Variants in RAB38 observed in about 807,000 individuals in gnomAD.
RAB38 encodes the protein ras-related protein Rab-38.
In RAB38, 15 loss-of-function variants were observed where a neutral mutation model predicts 18.4. The ratio of observed to expected loss-of-function variants is 0.82; its 90% CI spans 0.55 to 1.26. The LOEUF (loss-of-function observed/expected upper bound fraction) is 1.26, where lower values mean the gene tolerates loss of function less well. Among genes scored for constraint, RAB38 ranks in the 50% most tolerant of loss-of-function variants. The pLI is 0.00. For synonymous variants in RAB38, 101 were observed against 104.4 expected (o/e 0.97, Z 0.20); for missense variants, 294 against 267.4 (o/e 1.10, Z -0.69).
the RAB38 span, among the ~76,000 whole-genome samples, chr11:88,094,060 G>C: frequency 6.6e-6 from 1 of 151,826 alleles, no homozygotes; most frequent in African/African-American, 2.4e-5. Context: ...TCCCTGGGCA[G>C]AATCTTCATT....
intron 1 of RAB38, among the ~76,000 whole-genome samples, chr11:88,161,450 C>T (rs1285704543): frequency 6.6e-6 from 1 of 152,134 alleles, no homozygotes; most frequent in East Asian, 1.9e-4. Context: ...TTTAAAATTT[C>T]TACACCACTG....
the RAB38 span, among the ~76,000 whole-genome samples, chr11:87,943,168 T>C: frequency 2.6e-5 from 4 of 152,180 alleles, no homozygotes; most frequent in Non-Finnish European, 4.4e-5. Context: ...GCATTTTTCC[T>C]ATTTTGGAGA....
At chr11:87,857,990 G>A in the RAB38 span, among the ~76,000 whole-genome samples, 1 of 152,090 alleles carries the variant, frequency 6.6e-6, no homozygotes, top group Non-Finnish European at 1.5e-5. Flanking sequence ...GGTTTTTATG[G>A]TTTTAGGTTT....
chr11:87,966,675 T>C, the RAB38 span, among the ~76,000 whole-genome samples: 1 of 152,176 alleles, frequency 6.6e-6, no homozygotes, highest in Non-Finnish European at 1.5e-5. Context: ...ATGACTGGCA[T>C]TGTCTCTAGC....
the RAB38 span, among the ~76,000 whole-genome samples, chr11:87,851,113 G>C: frequency 6.6e-6 from 1 of 152,158 alleles, no homozygotes; most frequent in African/African-American, 2.4e-5. Context: ...AGTATAGACA[G>C]TCTTTTACAG....
At chr11:88,134,372 CG>C (rs1374881514) in intron 2 of RAB38, among the ~76,000 whole-genome samples, 1 of 152,008 alleles carries the variant, frequency 6.6e-6, no homozygotes, top group African/African-American at 2.4e-5. Context: ...TCCTGAGTAG[CG>C]GGGACTACCG....
chr11:88,028,813 T>C, the RAB38 span, among the ~76,000 whole-genome samples: 3 of 150,920 alleles, frequency 2.0e-5, no homozygotes, highest in South Asian at 2.1e-4. Flanking sequence ...CTGCAGGATA[T>C]TATCCAGGAG....
At chr11:88,171,441 A>G (rs913354675) in intron 1 of RAB38, among the ~76,000 whole-genome samples, 17 of 152,230 alleles carry the variant, frequency 1.1e-4, no homozygotes, top group Non-Finnish European at 2.2e-4. Flanking sequence ...AGATGAGGCA[A>G]TTGAGGTTCA....
At chr11:87,875,443 G>A in the RAB38 span, among the ~76,000 whole-genome samples, 1 of 151,372 alleles carries the variant, frequency 6.6e-6, no homozygotes, top group African/African-American at 2.4e-5. Context: ...TAAAGAGACT[G>A]TAGATGTTGA....
chr11:87,955,370 C>T, the RAB38 span, among the ~76,000 whole-genome samples: 7 of 152,198 alleles, frequency 4.6e-5, no homozygotes, highest in South Asian at 2.1e-4. Context: ...CTGCTGGAAG[C>T]GGGAGGGGTA....
the RAB38 span, among the ~76,000 whole-genome samples, chr11:87,938,649 TTGTTG>T: frequency 1.4e-5 from 2 of 145,032 alleles, no homozygotes; most frequent in African/African-American, 5.3e-5. Flanking sequence ...GTTGTTGTTG[TTGTTG>T]TTGTTTTTTG....
chr11:88,096,036 T>C, the RAB38 span, among the ~76,000 whole-genome samples: 1 of 151,874 alleles, frequency 6.6e-6, no homozygotes, highest in Non-Finnish European at 1.5e-5. Context: ...CCCTGTAAAC[T>C]CTTCTTTACA....
the RAB38 span, among the ~76,000 whole-genome samples, chr11:87,856,588 T>A: frequency 6.6e-5 from 10 of 152,180 alleles, no homozygotes; most frequent in South Asian, 4.1e-4. Flanking sequence ...TTAAAAAAAA[T>A]TTCTTATCAT....
At chr11:88,139,318 C>T (rs1345485781) in intron 2 of RAB38, among the ~76,000 whole-genome samples, 5 of 152,158 alleles carry the variant, frequency 3.3e-5, no homozygotes, top group Non-Finnish European at 7.4e-5. Context: ...TCCCTTCAGT[C>T]TTCCTTTGAG....
chr11:87,935,524 T>A, the RAB38 span, among the ~76,000 whole-genome samples: 6 of 152,084 alleles, frequency 3.9e-5, no homozygotes, highest in African/African-American at 1.2e-4. Flanking sequence ...CAGTTACAGT[T>A]AATTATTATT....
At chr11:88,096,685 T>G in the RAB38 span, among the ~76,000 whole-genome samples, 2 of 151,848 alleles carry the variant, frequency 1.3e-5, no homozygotes, top group Non-Finnish European at 2.9e-5. Flanking sequence ...GCAGGAATGA[T>G]GGAAGGAAAT....
chr11:87,957,407 C>A, the RAB38 span, among the ~76,000 whole-genome samples: 9 of 139,908 alleles, frequency 6.4e-5, no homozygotes, highest in African/African-American at 1.6e-4. Context: ...GAAAAAAAAA[C>A]CCATAAGTTT....
At chr11:88,076,183 C>T in the RAB38 span, among the ~76,000 whole-genome samples, 1 of 151,716 alleles carries the variant, frequency 6.6e-6, no homozygotes, top group African/African-American at 2.4e-5. Flanking sequence ...AAGACTACTA[C>T]AAACAACTAT....
chr11:88,094,905 G>A, the RAB38 span, among the ~76,000 whole-genome samples: 2 of 151,658 alleles, frequency 1.3e-5, no homozygotes, highest in East Asian at 3.9e-4. Flanking sequence ...TTCAATATCT[G>A]CTTTTCTCCT....
Sources: allele counts gnomAD v4.1 joint callset (sites outside exome capture counted in the v4.1 genomes callset), GRCh38; gene constraint gnomAD v4.1.1; transcripts MANE v1.5; gene names NCBI Gene and HGNC (gene_info 2026-07-23, HGNC 2026-07-21).